Variants in ZSWIM5 observed in about 807,000 individuals in gnomAD.
The protein encoded by ZSWIM5 is zinc finger SWIM domain-containing protein 5.
In ZSWIM5, 55 loss-of-function variants were observed where a neutral mutation model predicts 119.6. The ratio of observed to expected loss-of-function variants is 0.46; its 90% confidence interval spans 0.37 to 0.58. The LOEUF (loss-of-function observed/expected upper bound fraction) is 0.58. Among genes scored for constraint, ZSWIM5 ranks in the 20% least tolerant of loss-of-function variants. The pLI is 0.00. For missense variants in ZSWIM5, 1,193 were observed against 1,512.8 expected (o/e 0.79, Z 3.51); for synonymous variants, 537 against 606.9 (o/e 0.88, Z 1.69).
chr1:45,185,095 G>A lies in ZSWIM5; in HGVS notation c.595+20661C>T, dbSNP rs916636860. On this transcript the variant is annotated intron_variant, in intron 1 of 13. Transcript: ENST00000359600. ...GAACAGAGGCCTCAGAAATAACGCC[G>A]CATATCTACAACTATCTGATCTTTG... 9.9e-5 allele frequency among the ~76,000 whole-genome samples: 15 copies of A among 151,942 alleles called. 1 individual carries two copies. Among genetic ancestry groups the A allele is most frequent in the Non-Finnish European group, 1.3e-4 (9 of 67,986 alleles).
In ZSWIM5 at chr1:45,036,084, C is replaced by T. The variant is rs1215296332; in HGVS notation, c.2110G>A (p.Glu704Lys). Residue 704 changes from glutamate to lysine, a missense_variant, in exon 9 of 14, where the codon GAG (glutamate) becomes AAG (lysine). By Grantham distance (56) the Glu-to-Lys change is moderately conservative. This residue lies in a region of ZSWIM5 where 961 missense variants were observed against 1,290.0 expected (regional missense o/e 0.74). Coordinates refer to ENST00000359600, the MANE Select transcript of ZSWIM5 (RefSeq NM_020883.2). ...TGTTTTTGCAGTGTTTGCACTAGCT[C>T]ATCGTCCAGCTGCAGCTCTTGGAGT... ...SQLQELQLDD[E>K]LVQTLQKQCI... 3.1e-6 allele frequency: 5 copies of T among 1,614,172 alleles called. No individual in the cohort carries two copies. In the South Asian group the frequency reaches 4.4e-5, roughly 14 times the overall value.
chr1:45,102,998 A>C (rs1489523779), intron 1 of ZSWIM5, among the ~76,000 whole-genome samples: 1 of 152,038 alleles, frequency 6.6e-6, no homozygotes, highest in Non-Finnish European at 1.5e-5. Context: ...AGCAGCTGAG[A>C]CCACAGGCAT....
Position 45,018,257 on chromosome 1 carries a change from A to G in ZSWIM5, c.*197T>C. 1 of 667,876 alleles carries G rather than the reference A, an allele frequency of 1.5e-6. No homozygotes were observed. The highest frequency in any genetic ancestry group is 2.0e-5 in the South Asian group (1 of 50,470). The allele number at this position is 667,876 out of a possible 1,614,324, so 41.4% of individuals were successfully genotyped here. A position where few individuals can be genotyped will look rare whatever the true frequency, so the allele number is the denominator to read the frequency against. ...AGGGCCCAGCTCCTCCATGAACAGT[A>G]GGCTGTAGTCAGAAGCTTGCCAAGG... On this transcript the variant is annotated 3_prime_UTR_variant, in exon 14 of 14. Coordinates refer to ENST00000359600, the MANE Select transcript of ZSWIM5 (RefSeq NM_020883.2). This position sits in a 1 kb window ranked among gnomAD's most constrained non-coding sequence, Gnocchi z 6.7.
chr1:45,100,083 A>C (rs1645429243), intron 1 of ZSWIM5, among the ~76,000 whole-genome samples: 1 of 152,204 alleles, frequency 6.6e-6, no homozygotes, highest in African/African-American at 2.4e-5. Flanking sequence ...AAGGGTATCC[A>C]ATTAGGAAAA....
chr1:45,087,953 C>G lies in ZSWIM5; in HGVS notation c.880G>C (p.Glu294Gln), dbSNP rs971727168. The G allele has an allele frequency of 4.3e-6, 7 of 1,614,126 alleles. No individual in the cohort carries two copies. The highest frequency in any genetic ancestry group is 5.9e-6 in the Non-Finnish European group (7 of 1,180,024). Residue 294 changes from glutamate to glutamine, a missense_variant, in exon 2 of 14, where the codon GAA (glutamate) becomes CAA (glutamine). By Grantham distance (29) the Glu-to-Gln change is conservative. Transcript: ENST00000359600. The part of the protein sequence containing the change: ...IQYLITAHHT[E>Q]VLPTAQKLAD... ...AGTTTCTGTGCAGTAGGAAGAACTT[C>G]AGTGTGGTGTGCCGTGATTAAATAT...
intron 5 of ZSWIM5, among the ~76,000 whole-genome samples, chr1:45,045,370 T>G (rs1424130373): frequency 6.6e-6 from 1 of 152,182 alleles, no homozygotes; most frequent in Admixed American, 6.5e-5. Flanking sequence ...ACCTACTGAT[T>G]CTGTGCAAAA....
chr1:45,100,305 C>G (rs1025719068), intron 1 of ZSWIM5, among the ~76,000 whole-genome samples: 8 of 152,082 alleles, frequency 5.3e-5, no homozygotes, highest in Non-Finnish European at 1.2e-4. Context: ...ACAATTGCTT[C>G]AAAGAGAATA....
chr1:45,092,860 C>G (rs1165878810), intron 1 of ZSWIM5, among the ~76,000 whole-genome samples: 1 of 152,220 alleles, frequency 6.6e-6, no homozygotes, highest in South Asian at 2.1e-4. Flanking sequence ...CGGGGCCTGC[C>G]CCAAAATTTC....
chr1:45,172,310 T>C (rs1487132273), intron 1 of ZSWIM5, among the ~76,000 whole-genome samples: 1 of 152,038 alleles, frequency 6.6e-6, no homozygotes, highest in African/African-American at 2.4e-5. Flanking sequence ...AAAAGGAAGA[T>C]AAAATATCAA....
chr1:45,095,944 C>T (rs1570092347), intron 1 of ZSWIM5, among the ~76,000 whole-genome samples: 1 of 152,046 alleles, frequency 6.6e-6, no homozygotes, highest in Non-Finnish European at 1.5e-5. Flanking sequence ...AGGCTCTTAA[C>T]AAAAACAGTA....
At chr1:45,181,104 G>A (rs1223010290) in intron 1 of ZSWIM5, among the ~76,000 whole-genome samples, 1 of 152,102 alleles carries the variant, frequency 6.6e-6, no homozygotes, top group Non-Finnish European at 1.5e-5. Flanking sequence ...GACGAGTTGA[G>A]AAAAGAAGGC....
chr1:45,027,104 T>G (rs941115360), intron 11 of ZSWIM5, among the ~76,000 whole-genome samples: 4 of 147,996 alleles, frequency 2.7e-5, no homozygotes, highest in Non-Finnish European at 6.0e-5. Context: ...GATCTCCTCT[T>G]TTTTTTTTTT....
In ZSWIM5 at chr1:45,088,127, C is replaced by T. The variant is rs1200227199; in HGVS notation, c.706G>A (p.Gly236Ser). 2 of 1,614,174 alleles carry T rather than the reference C, an allele frequency of 1.2e-6. No individual in the cohort carries two copies. The highest frequency in any genetic ancestry group is 2.2e-5 in the East Asian group (1 of 44,882). The part of the protein sequence containing the change: ...DRCKITSVTC[G>S]CGNKDIFYCA... ...TAGAATATGTCCTTGTTCCCACAGCCACATGTCACTGAGGTGATTTTGCAT... is the reference window on the plus strand; with the variant it reads ...TAGAATATGTCCTTGTTCCCACAGCTACATGTCACTGAGGTGATTTTGCAT... Residue 236 changes from glycine (G) to serine (S), a missense_variant, in exon 2 of 14, where the codon GGC becomes AGC. This residue lies in a region of ZSWIM5 where 961 missense variants were observed against 1,290.0 expected (regional missense o/e 0.74). Transcript: ENST00000359600. The surrounding 1 kb of genome is among the most constrained non-coding windows in gnomAD (Gnocchi z 4.2).
intron 1 of ZSWIM5, among the ~76,000 whole-genome samples, chr1:45,108,927 A>G (rs1645497545): frequency 6.6e-6 from 1 of 152,210 alleles, no homozygotes; most frequent in African/African-American, 2.4e-5. Context: ...TATTTCCAAC[A>G]TGGCCTTTTT....
intron 2 of ZSWIM5, among the ~76,000 whole-genome samples, chr1:45,070,749 GATA>G (rs1239498269): frequency 6.6e-6 from 1 of 152,078 alleles, no homozygotes; most frequent in Non-Finnish European, 1.5e-5. Flanking sequence ...CATCTTCTTT[GATA>G]ATAACTTGCT....
At position 45,072,084 on chromosome 1, in the gene ZSWIM5, C is replaced by T. The variant is rs1301609918; in HGVS notation, c.953-11837G>A. ...CCTTTTCTCCACATCCTCACCAGCA[C>T]TTCTTATTGCCTGTCTTTTGGATAT... On this transcript the variant is annotated intron_variant, in intron 2 of 13. Coordinates refer to ENST00000359600, the MANE Select transcript of ZSWIM5 (RefSeq NM_020883.2). This position sits in a 1 kb window ranked among gnomAD's most constrained non-coding sequence, Gnocchi z 4.1. 1.3e-5 allele frequency among the ~76,000 whole-genome samples: 2 copies of T among 150,316 alleles called. No individual in the cohort carries two copies. Among genetic ancestry groups the T allele is most frequent in the Admixed American group, 1.3e-4 (2 of 15,232 alleles).
intron 1 of ZSWIM5, among the ~76,000 whole-genome samples, chr1:45,160,159 A>G (rs1645854413): frequency 6.6e-6 from 1 of 152,074 alleles, no homozygotes; most frequent in Admixed American, 6.6e-5. Context: ...AAATATATAT[A>G]CTTTTTTTGT....
chr1:45,045,083 C>T (rs1015620868), intron 5 of ZSWIM5, among the ~76,000 whole-genome samples: 27 of 151,188 alleles, frequency 1.8e-4, no homozygotes, highest in African/African-American at 6.6e-4. Flanking sequence ...ATGCCATCTC[C>T]CTTCAGGAAA....
intron 2 of ZSWIM5, among the ~76,000 whole-genome samples, chr1:45,085,297 C>G (rs1645320284): frequency 6.6e-6 from 1 of 152,162 alleles, no homozygotes; most frequent in African/African-American, 2.4e-5. Flanking sequence ...TTCTTCCCTC[C>G]TAGGTCTCTG....
Sources: gnomAD v4.1 joint callset for allele counts (sites outside exome capture counted in the v4.1 genomes callset) on GRCh38, gnomAD v4.1.1 for gene constraint, gnomAD v4.1.1 regional missense constraint, Gnocchi (gnomAD v3.1) non-coding constraint, MANE v1.5 for transcripts, NCBI Gene and HGNC (gene_info 2026-07-23, HGNC 2026-07-21) for gene names.